The following CCZ1 variants were observed in gnomAD, a reference collection of about 807,000 sequenced individuals.
CCZ1 encodes the protein CCZ1 vacuolar protein trafficking and biogenesis associated.
A neutral mutation model predicts 57.8 loss-of-function variants in CCZ1; 19 were observed. That is an observed-to-expected ratio of 0.33 (90% CI 0.23 to 0.48). The LOEUF (loss-of-function observed/expected upper bound fraction) is 0.48, where lower values mean the gene tolerates loss of function less well. Ranked by LOEUF, CCZ1 falls within the 20% of genes least tolerant of loss-of-function variation. The pLI is 0.99. For missense variants in CCZ1, 200 were observed against 492.0 expected (o/e 0.41, Z 5.61); for synonymous variants, 81 against 167.0 (o/e 0.49, Z 3.97).
intron 7 of CCZ1, among the ~76,000 whole-genome samples, chr7:5,908,497 G>A (rs1221214922): frequency 1.3e-5 from 2 of 148,208 alleles, no homozygotes; most frequent in East Asian, 4.5e-4. Context: ...TCATGCCTCA[G>A]TCTCCCAAGT....
At chr7:5,901,457 C>T in intron 4 of CCZ1, 200 bp from the exon 5 acceptor site, 1 of 874,128 alleles carries the variant, frequency 1.1e-6, no homozygotes, top group Non-Finnish European at 1.5e-6. Context: ...TGCGCTCCAG[C>T]CTGGACAACA....
At chr7:5,910,435 C>T (rs1351477449) in intron 8 of CCZ1, among the ~76,000 whole-genome samples, 2 of 149,044 alleles carry the variant, frequency 1.3e-5, no homozygotes, top group African/African-American at 2.5e-5. Context: ...AAGCAATTCT[C>T]CTTGCCTCGG....
At chr7:5,909,968 T>C (rs62453594) in intron 7 of CCZ1, 67 bp from the exon 8 acceptor site, 142,691 of 1,401,274 alleles carry the variant, frequency 0.1, 5,713 homozygotes, top group Admixed American at 0.15. Flanking sequence ...TAATGAGCTT[T>C]ATCACAGCAG....
At chr7:5,909,470 G>A (rs1365876245) in intron 7 of CCZ1, among the ~76,000 whole-genome samples, 1 of 149,750 alleles carries the variant, frequency 6.7e-6, no homozygotes, top group Non-Finnish European at 1.5e-5. Flanking sequence ...AGGAGGCTGA[G>A]GCGGGAGCAC....
intron 7 of CCZ1, among the ~76,000 whole-genome samples, chr7:5,906,942 G>A (rs1432238875): frequency 2.0e-5 from 3 of 147,758 alleles, no homozygotes; most frequent in Non-Finnish European, 4.5e-5. Context: ...ATCTTGGCTT[G>A]CTGCAACCCC....
At chr7:5,904,780 G>C (rs1459586864) in intron 6 of CCZ1, among the ~76,000 whole-genome samples, 1 of 147,932 alleles carries the variant, frequency 6.8e-6, no homozygotes, top group East Asian at 2.2e-4. Flanking sequence ...GCAGTGAGCT[G>C]AGATCGCACC....
intron 6 of CCZ1, 146 bp downstream of exon 6, chr7:5,902,890 G>A: frequency 3.8e-6 from 4 of 1,046,574 alleles, no homozygotes; most frequent in Non-Finnish European, 5.2e-6. Context: ...CGCAAAACTG[G>A]AGCAGCGAGG....
chr7:5,902,601 A>T (rs1005439823), intron 5 of CCZ1, 60 bp from the exon 6 acceptor site: 1 of 1,526,338 alleles, frequency 6.6e-7, no homozygotes, highest in Admixed American at 2.1e-5. Flanking sequence ...AGAACTTGTT[A>T]TACTGAAAAA....
In CCZ1 at chr7:5,900,337, G is replaced by A; in HGVS notation, c.174G>A (p.Lys58=). Residue 58 remains lysine (K), a synonymous_variant, in exon 2 of 15, where the codon AAG becomes AAA. Transcript: ENST00000325974. The part of the protein sequence containing the change: ...YHPNEVEKNE[K]IRNVGLCEAI... ...CAAATGAGGTAGAAAAGAATGAGAA[G>A]ATTAGAAATGTCGGATTGTGTGAAG... 1.3e-6 allele frequency: 2 copies of A among 1,571,864 alleles called. No homozygotes were observed. Among genetic ancestry groups the A allele is most frequent in the Non-Finnish European group, 1.7e-6 (2 of 1,164,152 alleles).
At chr7:5,906,566 C>T (rs62453586) in intron 7 of CCZ1, among the ~76,000 whole-genome samples, 3 of 147,584 alleles carry the variant, frequency 2.0e-5, no homozygotes, top group African/African-American at 5.0e-5. Context: ...CAGGTGATTC[C>T]CCTGCATAGG....
At chr7:5,921,250 C>CTT (rs1356456597) in intron 12 of CCZ1, among the ~76,000 whole-genome samples, 2 of 129,368 alleles carry the variant, frequency 1.5e-5, no homozygotes, top group East Asian at 4.2e-4. Flanking sequence ...TCTGCATGGT[C>CTT]TTGTATAACC....
chr7:5,901,922 G>C (rs539447026), intron 5 of CCZ1: 2 of 494,392 alleles, frequency 4.0e-6, no homozygotes, highest in African/African-American at 4.0e-5. Context: ...CCTTATAGTA[G>C]GAATGTGTCC....
chr7:5,906,982 C>T (rs896172554), intron 7 of CCZ1, among the ~76,000 whole-genome samples: 10 of 149,262 alleles, frequency 6.7e-5, no homozygotes, highest in South Asian at 6.5e-4. Flanking sequence ...ATTCTCCTGC[C>T]TCAGCCTCCC....
At chr7:5,920,470 C>CTTTTTTTTTTTTTTTTTTT (rs200899553) in intron 12 of CCZ1, among the ~76,000 whole-genome samples, 8 of 95,976 alleles carry the variant, frequency 8.3e-5, no homozygotes, top group South Asian at 5.4e-4. Context: ...TTCTCCCTGG[C>CTTTTTTTTTTTTTTTTTTT]TTTTTTTTTT....
At chr7:5,899,336 T>G (rs1224569331) in intron 1 of CCZ1, among the ~76,000 whole-genome samples, 78 of 1,204 alleles carry the variant, frequency 0.065, no homozygotes, top group Admixed American at 0.11. Flanking sequence ...GGGAGGGGGG[T>G]GTGTGTGTGT....
rs971262847 is a variant in CCZ1, at chr7:5,910,074, A to G, written c.738A>G (p.Lys246=). 3.8e-6 allele frequency: 6 copies of G among 1,586,678 alleles called. No individual in the cohort carries two copies. The African/African-American group carries it at 5.5e-5, about 14-fold the overall frequency. ...LEQDDMRILY[K]YLTTSLFPRH... ...AAGATGACATGAGAATTTTATACAA[A>G]TACCTTACCACCTCCCTTTTTCCAA... The change falls in exon 8 of 15, where the codon AAA becomes AAG. Residue 246 remains lysine, a synonymous_variant. Coordinates refer to ENST00000325974, the MANE Select transcript of CCZ1 (RefSeq NM_015622.6).
chr7:5,907,166 A>G (rs1583184396), intron 7 of CCZ1, among the ~76,000 whole-genome samples: 1 of 149,686 alleles, frequency 6.7e-6, no homozygotes, highest in East Asian at 2.2e-4. Context: ...GCCTCCACCT[A>G]CTTTCTAATT....
intron 10 of CCZ1, 115 bp downstream of exon 10, chr7:5,913,069 G>A (rs1372466657): frequency 5.2e-6 from 4 of 762,522 alleles, no homozygotes; most frequent in Non-Finnish European, 8.4e-6. Flanking sequence ...GATATTGGAA[G>A]TTCTGATTAT....
At chr7:5,924,234 CT>C (rs1177283253) in intron 14 of CCZ1, among the ~76,000 whole-genome samples, 1 of 73,728 alleles carries the variant, frequency 1.4e-5, no homozygotes, top group African/African-American at 4.8e-5. Context: ...AAATGTCCCC[CT>C]TTTTTTGGAG....
Sources: gnomAD v4.1 joint callset for allele counts (sites outside exome capture counted in the v4.1 genomes callset) on GRCh38, gnomAD v4.1.1 for gene constraint, MANE v1.5 for transcripts, NCBI Gene and HGNC (gene_info 2026-07-23, HGNC 2026-07-21) for gene names.